PGPEP1L: variants seen among roughly 807,000 people sequenced by gnomAD.
The protein encoded by PGPEP1L is pyroglutamyl-peptidase 1-like protein.
PGPEP1L carries 7 observed loss-of-function variants against 6.0 expected under a neutral mutation model. The ratio of observed to expected loss-of-function variants is 1.17; its 90% CI spans 0.66 to 2.19. The LOEUF (loss-of-function observed/expected upper bound fraction) is 2.19. PGPEP1L is among the 30% of genes most tolerant of loss of function. The pLI is 0.00. For missense variants in PGPEP1L, 209 were observed against 192.5 expected (o/e 1.09, Z -0.51); for synonymous variants, 103 against 83.9 (o/e 1.23, Z -1.24).
intron 2 of PGPEP1L, among the ~76,000 whole-genome samples, chr15:98,995,059 C>T (rs1555472371): frequency 2.0e-5 from 3 of 152,064 alleles, no homozygotes; most frequent in Admixed American, 1.3e-4. Context: ...CTATTTTGTG[C>T]TCATCTCTGT....
Position 98,971,085 on chromosome 15 carries a change from C to G in PGPEP1L, c.-68G>C, listed in dbSNP as rs1388784564. On this transcript the variant is annotated 5_prime_UTR_variant, in exon 3 of 5. Transcript: ENST00000535714. ...TCCGGTGACCCTCCGCTTAGCCTCC[C>G]TGTAATCTACAGGCAGCTCCAGAGT... 1 of 1,613,648 alleles carries G rather than the reference C, an allele frequency of 6.2e-7. No homozygotes were observed. The highest frequency in any genetic ancestry group is 1.7e-5 in the Admixed American group (1 of 59,986).
intron 2 of PGPEP1L, among the ~76,000 whole-genome samples, chr15:98,981,553 A>C (rs1033150823): frequency 6.6e-6 from 1 of 151,998 alleles, no homozygotes; most frequent in Non-Finnish European, 1.5e-5. Context: ...AGTCTGAGAA[A>C]TGGCCACAGC....
At chr15:98,982,712 T>C (rs1173195946) in intron 2 of PGPEP1L, among the ~76,000 whole-genome samples, 3 of 128,296 alleles carry the variant, frequency 2.3e-5, no homozygotes, top group African/African-American at 9.0e-5. Context: ...TTTTTTTTTT[T>C]TTTTTTTTTT....
At chr15:98,990,549 A>C (rs1385980997) in intron 2 of PGPEP1L, among the ~76,000 whole-genome samples, 1 of 152,240 alleles carries the variant, frequency 6.6e-6, no homozygotes, top group Non-Finnish European at 1.5e-5. Context: ...TATTAAACAG[A>C]TCAATGAGAC....
chr15:98,974,298 G>T (rs971358017), intron 2 of PGPEP1L, among the ~76,000 whole-genome samples: 2 of 152,104 alleles, frequency 1.3e-5, no homozygotes, highest in African/African-American at 4.8e-5. Context: ...AGGATTGCTT[G>T]AGCCCAGAAG....
At chr15:98,992,610 T>C (rs1412143520) in intron 2 of PGPEP1L, among the ~76,000 whole-genome samples, 1 of 152,170 alleles carries the variant, frequency 6.6e-6, no homozygotes, top group African/African-American at 2.4e-5. Flanking sequence ...AAATTTCATA[T>C]GCAACCAAAA....
intron 2 of PGPEP1L, among the ~76,000 whole-genome samples, chr15:98,971,751 ATACTC>A (rs1485562895): frequency 1.3e-5 from 2 of 152,362 alleles, no homozygotes; most frequent in African/African-American, 4.8e-5. Flanking sequence ...CACATTCAGA[ATACTC>A]TAATATGGTA....
At chr15:99,002,510 C>G (rs1425256591) in intron 2 of PGPEP1L, among the ~76,000 whole-genome samples, 1 of 152,040 alleles carries the variant, frequency 6.6e-6, no homozygotes, top group East Asian at 1.9e-4. Flanking sequence ...ACACATACTG[C>G]AAGCACAAAT....
rs555113385 is a variant in PGPEP1L at position 98,981,586 on chromosome 15, G to C, written c.-141-10428C>G. Among the ~76,000 whole-genome samples the C allele has an allele frequency of 2.6e-5, 4 of 152,124 alleles. No homozygotes were observed. The East Asian group carries it at 5.8e-4, about 22-fold the overall frequency. ...AGCCAAGACAAGCCTACGGAGACTCGAGGACTTATGAATGTGGTGTTCTGG... is the reference window on the plus strand; with the variant it reads ...AGCCAAGACAAGCCTACGGAGACTCCAGGACTTATGAATGTGGTGTTCTGG... On this transcript the variant is annotated intron_variant, in intron 2 of 4. Coordinates refer to ENST00000535714, the MANE Select transcript of PGPEP1L (RefSeq NM_001167902.2).
In PGPEP1L at chr15:98,968,276, T is replaced by C. The variant is rs998382292; in HGVS notation, c.*202A>G. ...TCATGAAAACCATAACTGAAGCTAG[T>C]TCATCCCCTGTGAAATGTCCACCTT... is the stretch of plus-strand genomic sequence containing the variant. On this transcript the variant is annotated 3_prime_UTR_variant, in exon 5 of 5. Coordinates refer to ENST00000535714, the MANE Select transcript of PGPEP1L (RefSeq NM_001167902.2). The C allele has an allele frequency of 2.7e-5, 16 of 598,716 alleles. No homozygotes were observed. Among genetic ancestry groups the C allele is most frequent in the East Asian group, 2.6e-4 (9 of 35,228 alleles). 37.1% of individuals were successfully genotyped at this position (598,716 alleles called of 1,614,324 possible).
intron 2 of PGPEP1L, among the ~76,000 whole-genome samples, chr15:98,991,734 C>T (rs1289471086): frequency 2.0e-5 from 3 of 152,184 alleles, no homozygotes; most frequent in Non-Finnish European, 2.9e-5. Context: ...AATCCAGCAG[C>T]ACATCAAAAA....
intron 4 of PGPEP1L, among the ~76,000 whole-genome samples, chr15:98,969,033 G>A (rs2017449718): frequency 1.3e-5 from 2 of 152,234 alleles, no homozygotes; most frequent in South Asian, 2.1e-4. Context: ...ACCACCTACT[G>A]GGGATCGGAG....
intron 2 of PGPEP1L, among the ~76,000 whole-genome samples, chr15:98,984,734 G>C (rs989810534): frequency 6.6e-6 from 1 of 152,144 alleles, no homozygotes; most frequent in African/African-American, 2.4e-5. Context: ...GGAGGACCTG[G>C]AGTGACCCAG....
At chr15:98,973,728 G>C (rs1280331390) in intron 2 of PGPEP1L, among the ~76,000 whole-genome samples, 1 of 152,096 alleles carries the variant, frequency 6.6e-6, no homozygotes, top group African/African-American at 2.4e-5. Context: ...GAAGATTATA[G>C]CAATAAATGC....
intron 4 of PGPEP1L, among the ~76,000 whole-genome samples, chr15:98,968,994 CTCAT>C (rs1388905887): frequency 6.6e-6 from 1 of 152,104 alleles, no homozygotes. Context: ...GAGTCACTTA[CTCAT>C]TCATTCACTG....
intron 2 of PGPEP1L, among the ~76,000 whole-genome samples, chr15:98,989,135 T>C (rs1486512971): frequency 2.0e-5 from 3 of 152,152 alleles, no homozygotes; most frequent in African/African-American, 7.2e-5. Context: ...AGAATGAGTT[T>C]GACGAATTGA....
chr15:98,989,452 C>A (rs1377710761), intron 2 of PGPEP1L, among the ~76,000 whole-genome samples: 1 of 152,032 alleles, frequency 6.6e-6, no homozygotes, highest in Non-Finnish European at 1.5e-5. Context: ...TGAAAAGAAA[C>A]AAAGCCTCCA....
intron 1 of PGPEP1L, 90 bp downstream of exon 1, chr15:99,007,269 T>A (rs1277886775): frequency 1.3e-5 from 2 of 152,216 alleles, no homozygotes; most frequent in East Asian, 3.9e-4. Flanking sequence ...TTCACAGAAG[T>A]TACCCGGTTT....
intron 2 of PGPEP1L, among the ~76,000 whole-genome samples, chr15:98,981,336 C>CCA (rs1401670409): frequency 6.6e-6 from 1 of 151,718 alleles, no homozygotes; most frequent in African/African-American, 2.4e-5. Context: ...ACTAAAAATA[C>CCA]AAAGTTAGCC....
Sources: gnomAD v4.1 joint callset for allele counts (sites outside exome capture counted in the v4.1 genomes callset) on GRCh38, gnomAD v4.1.1 for gene constraint, MANE v1.5 for transcripts, NCBI Gene and HGNC (gene_info 2026-07-23, HGNC 2026-07-21) for gene names.